The following FADS2 variants were observed in gnomAD, a reference collection of about 807,000 sequenced individuals.
The protein encoded by FADS2 is acyl-CoA 6-desaturase.
Under a neutral mutation model 61.2 loss-of-function variants are expected in FADS2, and 18 were observed. The observed-to-expected ratio is 0.29, with a 90% CI of 0.20 to 0.44. The LOEUF is 0.44. Ranked by LOEUF, FADS2 falls within the 20% of genes least tolerant of loss-of-function variation. The probability of loss-of-function intolerance (pLI) is 1.00; values close to 1 mark genes in which losing one functional copy is unlikely to be tolerated. For synonymous variants in FADS2, 203 were observed against 223.9 expected (o/e 0.91, Z 0.83); for missense variants, 322 against 572.7 (o/e 0.56, Z 4.47).
At chr11:61,822,697 A>G (rs1043979170) in intron 1 of FADS2, among the ~76,000 whole-genome samples, 4 of 152,228 alleles carry the variant, frequency 2.6e-5, no homozygotes, top group Non-Finnish European at 2.9e-5. Flanking sequence ...TTCCAGTACA[A>G]ATGATCTCTC....
At chr11:61,822,259 G>A (rs916789839) in intron 1 of FADS2, among the ~76,000 whole-genome samples, 19 of 152,162 alleles carry the variant, frequency 1.2e-4, no homozygotes, top group Non-Finnish European at 1.3e-4. Flanking sequence ...GTGAGCCACC[G>A]CGCCCGGCCC....
At chr11:61,863,627 G>A in intron 9 of FADS2, 80 bp from the exon 10 acceptor site, 1 of 1,259,684 alleles carries the variant, frequency 7.9e-7, no homozygotes, top group Non-Finnish European at 1.2e-6. Flanking sequence ...GAGACCCTGG[G>A]TAAGGCTGGG....
intron 7 of FADS2, among the ~76,000 whole-genome samples, chr11:61,861,354 A>AAAAAAAAAAAAAAAAAAAACAAAC: frequency 2.8e-5 from 2 of 70,206 alleles, no homozygotes; most frequent in African/African-American, 1.4e-4. Flanking sequence ...ACTCCCTCTC[A>AAAAAAAAAAAAAAAAAAAACAAAC]AAAAAAAAAA....
intron 7 of FADS2, among the ~76,000 whole-genome samples, chr11:61,860,452 A>G (rs2067403565): frequency 6.6e-6 from 1 of 152,196 alleles, no homozygotes; most frequent in Non-Finnish European, 1.5e-5. Flanking sequence ...ATTTTGCTGT[A>G]TCTGACACCA....
At chr11:61,863,938 G>A (rs180806549) in intron 10 of FADS2, 152 bp downstream of exon 10, 126 of 654,478 alleles carry the variant, frequency 1.9e-4, no homozygotes, top group Middle Eastern at 3.8e-4. Context: ...AGCCAGCCCC[G>A]CTGAGGTCAG....
At chr11:61,850,180 T>C (rs982228986) in intron 5 of FADS2, among the ~76,000 whole-genome samples, 1 of 152,224 alleles carries the variant, frequency 6.6e-6, no homozygotes, top group African/African-American at 2.4e-5. Context: ...TTCTGAACCA[T>C]AACAGGACCT....
At chr11:61,821,422 A>G (rs2067035624) in intron 1 of FADS2, 2 of 702,054 alleles carry the variant, frequency 2.8e-6, no homozygotes, top group African/African-American at 1.7e-5. Context: ...TAATGAAGCC[A>G]TAATTGAATA....
At chr11:61,826,422 C>A, upstream of FADS2, 2 of 699,712 alleles carry the variant, frequency 2.9e-6, no homozygotes, top group Non-Finnish European at 5.2e-6. Flanking sequence ...CTGTGAGATA[C>A]TCCCTGGTTC....
chr11:61,834,976 T>G, intron 1 of FADS2, among the ~76,000 whole-genome samples: 2 of 136,910 alleles, frequency 1.5e-5, no homozygotes, highest in Non-Finnish European at 1.6e-5. Context: ...GCCTCCTCCC[T>G]GCCTGCCCCC....
chr11:61,841,428 G>C (rs1045909004), intron 4 of FADS2, among the ~76,000 whole-genome samples: 3 of 151,306 alleles, frequency 2.0e-5, no homozygotes, highest in Admixed American at 2.0e-4. Context: ...GCTGGGTGTG[G>C]TGGCATGCAC....
rs1408731522 is a variant in FADS2, at chr11:61,819,378, C to T, written c.141+2952C>T. Among the ~76,000 whole-genome samples, 3 of 152,070 alleles carry T rather than the reference C, an allele frequency of 2.0e-5. No individual in the cohort carries two copies. The East Asian group carries it at 5.8e-4, about 29-fold the overall frequency. On this transcript the variant is annotated intron_variant, in intron 1 of 11. Coordinates refer to the FADS2 transcript ENST00000257261. ...ATTGCCTGAGCTCAGGAGTTCAAGA[C>T]CAGCCTGAACAAAAGAAATCGGCTG...
intron 7 of FADS2, among the ~76,000 whole-genome samples, chr11:61,861,381 G>C (rs1191990471): frequency 1.4e-5 from 1 of 71,112 alleles, no homozygotes; most frequent in East Asian, 4.2e-4. Context: ...ACAGAAATTA[G>C]CTACTCGGGA....
At chr11:61,817,197 A>T in intron 1 of FADS2, 1 of 191,494 alleles carries the variant, frequency 5.2e-6, no homozygotes, top group Non-Finnish European at 1.0e-5. Flanking sequence ...TGGCCGCAGG[A>T]AGGGTGGGCG....
intron 2 of FADS2, among the ~76,000 whole-genome samples, chr11:61,838,262 C>A (rs902165053): frequency 1.3e-5 from 2 of 152,146 alleles, no homozygotes; most frequent in African/African-American, 4.8e-5. Context: ...GAAAGAATGA[C>A]CATTCCCTGG....
chr11:61,824,652 C>T (rs896371157), upstream of FADS2, among the ~76,000 whole-genome samples: 6 of 151,844 alleles, frequency 4.0e-5, no homozygotes, highest in South Asian at 2.1e-4. Flanking sequence ...TTGTGACTTC[C>T]CACAAAAAGG....
intron 7 of FADS2, among the ~76,000 whole-genome samples, chr11:61,859,668 T>C (rs1267189573): frequency 6.6e-6 from 1 of 152,166 alleles, no homozygotes; most frequent in Admixed American, 6.5e-5. Flanking sequence ...TCCTTGCCTC[T>C]AGCATCCAAT....
chr11:61,859,667 C>G (rs1438091426), intron 7 of FADS2, among the ~76,000 whole-genome samples: 1 of 152,192 alleles, frequency 6.6e-6, no homozygotes. Flanking sequence ...CTCCTTGCCT[C>G]TAGCATCCAA....
intron 4 of FADS2, among the ~76,000 whole-genome samples, chr11:61,841,497 G>T (rs2067216473): frequency 6.7e-6 from 1 of 149,900 alleles, no homozygotes; most frequent in Non-Finnish European, 1.5e-5. Flanking sequence ...CCAGGAGTTC[G>T]AGACCAGCCT....
chr11:61,845,784 CAAA>C (rs548433908), intron 4 of FADS2, among the ~76,000 whole-genome samples: 5,531 of 84,008 alleles, frequency 0.066, 135 homozygotes, highest in Middle Eastern at 0.12. Context: ...AACTCTGTCT[CAAA>C]AAAAAAAAAA....
Sources: gnomAD v4.1 joint callset for allele counts (sites outside exome capture counted in the v4.1 genomes callset) on GRCh38, gnomAD v4.1.1 for gene constraint, MANE v1.5 for transcripts, NCBI Gene and HGNC (gene_info 2026-07-23, HGNC 2026-07-21) for gene names.